The following MAF variants were observed in gnomAD, a reference collection of about 807,000 sequenced individuals.
MAF encodes MAF bZIP transcription factor.
MAF carries 10 observed loss-of-function variants against 22.0 expected under a neutral mutation model. The observed-to-expected ratio is 0.45, with a 90% CI of 0.28 to 0.77. MAF has a LOEUF of 0.77. MAF is among the 30% of genes least tolerant of loss of function. The probability of loss-of-function intolerance (pLI) is 0.12; values close to 1 mark genes in which losing one functional copy is unlikely to be tolerated. For missense variants in MAF, 544 were observed against 548.4 expected, an observed-to-expected ratio of 0.99 and a Z score of 0.08; for synonymous variants, 337 against 255.8, an observed-to-expected ratio of 1.32 and a Z score of -3.03.
At chr16:79,304,850 A>G in the MAF span, among the ~76,000 whole-genome samples, 2 of 152,180 alleles carry the variant, frequency 1.3e-5, no homozygotes, top group African/African-American at 4.8e-5. Context: ...GTGTTTTATC[A>G]TTTCTTTCCA....
chr16:79,353,046 G>C, the MAF span, among the ~76,000 whole-genome samples: 1 of 151,720 alleles, frequency 6.6e-6, no homozygotes, highest in Non-Finnish European at 1.5e-5. Flanking sequence ...GATAGATAGA[G>C]ATGCCAAATC....
At chr16:79,533,149 A>T in the MAF span, among the ~76,000 whole-genome samples, 1 of 152,206 alleles carries the variant, frequency 6.6e-6, no homozygotes, top group African/African-American at 2.4e-5. Context: ...GTAGCCATGG[A>T]TCAAGAACAT....
the MAF span, among the ~76,000 whole-genome samples, chr16:79,572,177 C>T: frequency 1.3e-5 from 2 of 151,988 alleles, no homozygotes; most frequent in African/African-American, 4.8e-5. Flanking sequence ...GTGAAATTTC[C>T]ACAACCAACT....
the MAF span, among the ~76,000 whole-genome samples, chr16:79,562,966 A>T: frequency 6.6e-6 from 1 of 152,166 alleles, no homozygotes; most frequent in African/African-American, 2.4e-5. Context: ...TCAATTTCAA[A>T]TTCAAATGTG....
At chr16:79,576,302 C>A in the MAF span, among the ~76,000 whole-genome samples, 1 of 130,022 alleles carries the variant, frequency 7.7e-6, no homozygotes, top group Non-Finnish European at 1.6e-5. Context: ...GTGCCCCATA[C>A]AATGTGAATT....
the MAF span, among the ~76,000 whole-genome samples, chr16:79,410,899 C>G: frequency 6.6e-6 from 1 of 152,156 alleles, no homozygotes; most frequent in African/African-American, 2.4e-5. Context: ...GAGGTGGATA[C>G]CTGACAATGA....
At chr16:79,255,565 G>A in the MAF span, among the ~76,000 whole-genome samples, 1 of 152,202 alleles carries the variant, frequency 6.6e-6, no homozygotes, top group Non-Finnish European at 1.5e-5. Flanking sequence ...AGGGGCCTTG[G>A]AGCTCATCTT....
At chr16:79,316,966 T>C in the MAF span, among the ~76,000 whole-genome samples, 2 of 152,208 alleles carry the variant, frequency 1.3e-5, no homozygotes, top group Non-Finnish European at 1.5e-5. Context: ...TCATTACTCT[T>C]ATTTAGCAAA....
At chr16:79,482,508 G>C in the MAF span, among the ~76,000 whole-genome samples, 1 of 152,160 alleles carries the variant, frequency 6.6e-6, no homozygotes, top group Non-Finnish European at 1.5e-5. Context: ...CCAGCTTCCT[G>C]CTTGATAAGA....
the MAF span, among the ~76,000 whole-genome samples, chr16:79,315,408 A>T: frequency 6.2e-4 from 94 of 152,322 alleles, no homozygotes; most frequent in African/African-American, 2.1e-3. Flanking sequence ...TATTGATTAT[A>T]CAAATTTTAA....
chr16:79,453,210 T>C, the MAF span, among the ~76,000 whole-genome samples: 2 of 152,156 alleles, frequency 1.3e-5, no homozygotes, highest in Non-Finnish European at 2.9e-5. Context: ...TCTGCCTCTA[T>C]TCTGAGGTCT....
the MAF span, among the ~76,000 whole-genome samples, chr16:79,299,080 T>G: frequency 6.6e-6 from 1 of 152,210 alleles, no homozygotes; most frequent in South Asian, 2.1e-4. Flanking sequence ...ACTGCTAACT[T>G]GAGAATGAAG....
the MAF span, chr16:79,212,017 T>A: frequency 6.5e-7 from 1 of 1,536,266 alleles, no homozygotes; most frequent in Non-Finnish European, 8.7e-7. Flanking sequence ...GGCATAGGTC[T>A]CTTTGCTTTC....
the MAF span, chr16:79,211,817 GCA>G: frequency 1.2e-6 from 2 of 1,613,634 alleles, no homozygotes; most frequent in East Asian, 2.2e-5. Flanking sequence ...GAGCGGATGG[GCA>G]CACACACCCG....
chr16:79,227,409 C>T, the MAF span, among the ~76,000 whole-genome samples: 1 of 152,196 alleles, frequency 6.6e-6, no homozygotes, highest in East Asian at 1.9e-4. Flanking sequence ...CCTTTCATTG[C>T]TGTGTGTGTA....
the MAF span, among the ~76,000 whole-genome samples, chr16:79,245,859 A>G: frequency 6.6e-6 from 1 of 152,062 alleles, no homozygotes; most frequent in Admixed American, 6.6e-5. Context: ...CATACACACC[A>G]TGGAATACTA....
At chr16:79,394,382 C>T in the MAF span, among the ~76,000 whole-genome samples, 53 of 152,318 alleles carry the variant, frequency 3.5e-4, no homozygotes, top group Middle Eastern at 3.4e-3. Flanking sequence ...CTCTCCCTGA[C>T]TTCCTCCTTG....
chr16:79,533,054 C>A, the MAF span, among the ~76,000 whole-genome samples: 1 of 152,154 alleles, frequency 6.6e-6, no homozygotes, highest in African/African-American at 2.4e-5. Flanking sequence ...GAATGCCCTT[C>A]GGGGTAACTT....
At chr16:79,232,189 C>T in the MAF span, among the ~76,000 whole-genome samples, 1 of 151,996 alleles carries the variant, frequency 6.6e-6, no homozygotes, top group Non-Finnish European at 1.5e-5. Flanking sequence ...ATCTGTGGCC[C>T]AGGGGTTGGG....
Sources: gnomAD v4.1 joint callset for allele counts (sites outside exome capture counted in the v4.1 genomes callset) on GRCh38, gnomAD v4.1.1 for gene constraint, MANE v1.5 for transcripts, NCBI Gene and HGNC (gene_info 2026-07-23, HGNC 2026-07-21) for gene names.